MYL5: variants seen among roughly 807,000 people sequenced by gnomAD.
MYL5 encodes myosin regulatory light chain 5.
MYL5 carries 28 observed loss-of-function variants against 20.8 expected under a neutral mutation model. The observed-to-expected ratio is 1.35, with a 90% CI of 1.00 to 1.84. The LOEUF (loss-of-function observed/expected upper bound fraction) is 1.84, where lower values mean the gene tolerates loss of function less well. MYL5 is among the 40% of genes most tolerant of loss of function. MYL5 has a pLI of 0.00. For synonymous variants in MYL5, 118 were observed against 87.4 expected (o/e 1.35, Z -1.95); for missense variants, 274 against 227.3 (o/e 1.21, Z -1.32).
chr4:674,831 TG>T (rs2109307511), upstream of MYL5: 2 of 153,018 alleles, frequency 1.3e-5, no homozygotes, highest in African/African-American at 4.8e-5. Flanking sequence ...CAGTAGTGTC[TG>T]TCGCCGGCCG....
intron 2 of MYL5, 87 bp from the exon 5 acceptor site, chr4:678,871 A>G (rs1739131801): frequency 6.2e-7 from 1 of 1,608,866 alleles, no homozygotes; most frequent in South Asian, 1.1e-5. Context: ...GCCTATCCTC[A>G]GTCAGGGGTG....
At chr4:679,866 A>G (rs778545169) in intron 3 of MYL5, 48 bp from the exon 6 acceptor site, 20 of 1,543,454 alleles carry the variant, frequency 1.3e-5, no homozygotes, top group Admixed American at 6.8e-5. Flanking sequence ...CTGGTGGCAC[A>G]GGGCAGGCAA....
At chr4:674,934 C>T (rs914187920), upstream of MYL5, 1 of 152,764 alleles carries the variant, frequency 6.5e-6, no homozygotes, top group African/African-American at 2.4e-5. Context: ...CGCCCTTCAT[C>T]CCGGAGCTGG....
intron 1 of MYL5, 147 bp from the exon 4 acceptor site, chr4:678,511 C>G (rs1198357315): frequency 3.5e-6 from 5 of 1,445,808 alleles, no homozygotes; most frequent in Non-Finnish European, 4.5e-6. Context: ...AGGCCTGAGG[C>G]TGGCATGCTC....
chr4:678,392 A>AT (rs1739072378), intron 1 of MYL5: 6 of 1,415,168 alleles, frequency 4.2e-6, no homozygotes, highest in Non-Finnish European at 5.5e-6. Flanking sequence ...CTGGACGGCG[A>AT]TCCCTGACCA....
At chr4:678,867 C>T in intron 2 of MYL5, 91 bp from the exon 5 acceptor site, 11 of 1,608,910 alleles carry the variant, frequency 6.8e-6, no homozygotes, top group South Asian at 5.5e-5. Flanking sequence ...GGAAGCCTAT[C>T]CTCAGTCAGG....
At chr4:681,370 C>G (rs957570518) in intron 6 of MYL5, among the ~76,000 whole-genome samples, 2 of 152,030 alleles carry the variant, frequency 1.3e-5, no homozygotes, top group East Asian at 3.9e-4. Context: ...GGCTGGAGAC[C>G]CCTCCGCGGC....
At chr4:681,527 A>C (rs1266736286) in intron 6 of MYL5, among the ~76,000 whole-genome samples, 98 of 70,172 alleles carry the variant, frequency 1.4e-3, no homozygotes, top group Non-Finnish European at 2.4e-3. Flanking sequence ...CCCAGACCCC[A>C]CACGGTCCTC....
At chr4:680,078 G>A in intron 4 of MYL5, 60 bp downstream of exon 6, 1 of 1,375,496 alleles carries the variant, frequency 7.3e-7, no homozygotes, top group Non-Finnish European at 1.0e-6. Context: ...TAGAGATCCG[G>A]ACATTTCACG....
intron 1 of MYL5, 182 bp downstream of exon 3, chr4:678,211 C>G: frequency 3.3e-6 from 5 of 1,506,538 alleles, no homozygotes; most frequent in South Asian, 1.3e-5. Flanking sequence ...TGTGACCTTG[C>G]GGGTGTGGGC....
In MYL5 at chr4:680,027, C is replaced by T. The variant is rs372492569; in HGVS notation, c.292+9C>T. ...TGGGGAGAAGCTGAGCGGTGAGCACCGGTGGGGCAGGCCTGGCCCTCCTAG... is the reference window on the plus strand; with the variant it reads ...TGGGGAGAAGCTGAGCGGTGAGCACTGGTGGGGCAGGCCTGGCCCTCCTAG... On this transcript the variant is annotated intron_variant, in intron 4 of 6. Coordinates refer to ENST00000400159, the Ensembl canonical transcript of MYL5. The T allele has an allele frequency of 4.9e-5, 78 of 1,605,210 alleles. No individual in the cohort carries two copies. Among genetic ancestry groups the T allele is most frequent in the Non-Finnish European group, 6.0e-5 (71 of 1,174,652 alleles).
chr4:681,610 CT>C, intron 6 of MYL5, among the ~76,000 whole-genome samples: 1 of 122,736 alleles, frequency 8.1e-6, no homozygotes, highest in Non-Finnish European at 1.7e-5. Flanking sequence ...GCCCCGCCCC[CT>C]CCAGCGCCGC....
At chr4:679,280 G>C (rs1739197186) in intron 3 of MYL5, 1 of 395,096 alleles carries the variant, frequency 2.5e-6, no homozygotes, top group Non-Finnish European at 4.1e-6. Flanking sequence ...AGTGGGCTTT[G>C]AGGCAGCAGG....
chr4:678,301 T>G, intron 1 of MYL5: 1 of 1,430,630 alleles, frequency 7.0e-7, no homozygotes, highest in Non-Finnish European at 9.2e-7. Flanking sequence ...GTTCCTGGCT[T>G]TCACAAAATC....
intron 5 of MYL5, chr4:680,886 G>A (rs1324157339): frequency 4.6e-6 from 3 of 658,602 alleles, no homozygotes; most frequent in African/African-American, 1.8e-5. Context: ...ACCTCCTTCC[G>A]GCTCTGTCCC....
upstream of MYL5, chr4:676,063 C>G (rs1386819412): frequency 6.6e-6 from 1 of 152,262 alleles, no homozygotes; most frequent in African/African-American, 2.4e-5. Context: ...TGCCTGAACC[C>G]TGTCCTCAGG....
chr4:681,634 AGCGCCGCCCCGCCCCCTCCAGCGCCG>A (rs1739591818), intron 6 of MYL5, among the ~76,000 whole-genome samples: 4 of 2,136 alleles, frequency 1.9e-3, no homozygotes, highest in Non-Finnish European at 3.1e-3. Context: ...CGCCCCCTCC[AGCGCCGCCCCGCCCCCTCCAGCGCCG>A]CCCCGCCCCC....
At chr4:676,794 C>T (rs936181319), upstream of MYL5, 61 of 795,106 alleles carry the variant, frequency 7.7e-5, no homozygotes, top group Non-Finnish European at 9.0e-5. Flanking sequence ...TGCTCCCAGC[C>T]CCAGGGTTCC....
intron 6 of MYL5, among the ~76,000 whole-genome samples, chr4:681,468 C>G (rs943628120): frequency 9.3e-5 from 14 of 150,944 alleles, no homozygotes; most frequent in African/African-American, 3.4e-4. Flanking sequence ...CTCCCAGCCC[C>G]AGCGGGCGAG....
Sources: gnomAD v4.1 joint callset for allele counts (sites outside exome capture counted in the v4.1 genomes callset) on GRCh38, gnomAD v4.1.1 for gene constraint, MANE v1.5 for transcripts, NCBI Gene and HGNC (gene_info 2026-07-23, HGNC 2026-07-21) for gene names.